SFI1: variants seen among roughly 807,000 people sequenced by gnomAD.
SFI1 encodes SFI1 centrin binding protein.
A neutral mutation model predicts 207.5 loss-of-function variants in SFI1; 195 were observed. The ratio of observed to expected loss-of-function variants is 0.94; its 90% CI spans 0.84 to 1.06. SFI1 has a LOEUF of 1.06. Among genes scored for constraint, SFI1 ranks in the 50% least tolerant of loss-of-function variants. The pLI, the probability that SFI1 is intolerant of heterozygous loss-of-function variation, is 0.00. For synonymous variants in SFI1, 630 were observed against 598.9 expected (o/e 1.05, Z -0.76); for missense variants, 1,634 against 1,588.0 (o/e 1.03, Z -0.49).
chr22:31,550,124 T>G, intron 5 of SFI1, 130 bp from the exon 6 acceptor site: 1 of 599,008 alleles, frequency 1.7e-6, no homozygotes, highest in South Asian at 2.3e-5. Context: ...AGATGGGGTT[T>G]CACCATATCG....
intron 2 of SFI1, among the ~76,000 whole-genome samples, chr22:31,509,259 C>T (rs1296485485): frequency 1.3e-5 from 2 of 152,160 alleles, no homozygotes; most frequent in Admixed American, 6.6e-5. Context: ...CACACAATCA[C>T]AAGGTGAAGT....
chr22:31,550,060 T>A (rs1256463130), intron 5 of SFI1, among the ~76,000 whole-genome samples, 194 bp from the exon 6 acceptor site: 3 of 151,482 alleles, frequency 2.0e-5, no homozygotes, highest in Non-Finnish European at 4.4e-5. Context: ...GCCTCCGGAG[T>A]AGGTGGGATT....
At chr22:31,535,185 CTTTT>C (rs36035505) in intron 4 of SFI1, among the ~76,000 whole-genome samples, 7 of 111,830 alleles carry the variant, frequency 6.3e-5, no homozygotes, top group Admixed American at 1.9e-4. Flanking sequence ...TTTTTTATTG[CTTTT>C]TTTTTTTTTT....
chr22:31,589,390 G>C lies in SFI1; in HGVS notation c.1414-57G>C, dbSNP rs953919360. On this transcript the variant is annotated intron_variant, in intron 14 of 32. Transcript: ENST00000400288. ...CTCCCACAAGGGTGTGACCCTGAGA[G>C]GTCATGTTTAAAAAAAAAAAAGTTA... 3 of 1,441,958 alleles carry C rather than the reference G, an allele frequency of 2.1e-6. No homozygotes were observed. The South Asian group carries it at 4.7e-5, about 22-fold the overall frequency. The allele number at this position is 1,441,958 out of a possible 1,614,324, so 89.3% of individuals were successfully genotyped here.
intron 15 of SFI1, among the ~76,000 whole-genome samples, chr22:31,595,911 G>A (rs752116405): frequency 6.6e-6 from 1 of 152,182 alleles, no homozygotes; most frequent in Non-Finnish European, 1.5e-5. Context: ...GGACAGAGGG[G>A]TGAGATGGAG....
intron 17 of SFI1, among the ~76,000 whole-genome samples, chr22:31,603,316 ACAGCAGCTGTGGC>A (rs1213284661): frequency 1.3e-5 from 2 of 152,160 alleles, no homozygotes; most frequent in Non-Finnish European, 2.9e-5. Flanking sequence ...AGGGATAGGG[ACAGCAGCTGTGGC>A]CAGTGGGTGG....
chr22:31,594,341 A>G (rs1264147149), intron 15 of SFI1, among the ~76,000 whole-genome samples: 1 of 151,826 alleles, frequency 6.6e-6, no homozygotes, highest in Non-Finnish European at 1.5e-5. Flanking sequence ...CAAGGTCAAG[A>G]GTTCAAGACC....
chr22:31,587,280 G>C, intron 14 of SFI1: 1 of 356,176 alleles, frequency 2.8e-6, no homozygotes. Context: ...GACTGTGTAG[G>C]TTATATGCAG....
At position 31,578,434 on chromosome 22, in the gene SFI1, C is replaced by T. The variant is rs1355817715; in HGVS notation, c.1137C>T (p.His379=). 1.9e-6 allele frequency: 3 copies of T among 1,613,656 alleles called. No homozygotes were observed. Among genetic ancestry groups the T allele is most frequent in the Admixed American group, 3.3e-5 (2 of 60,014 alleles). Residue 379 remains histidine (H), a synonymous_variant, in exon 11 of 33, where the codon CAC becomes CAT. Coordinates refer to ENST00000400288, the MANE Select transcript of SFI1 (RefSeq NM_001007467.3). ...CCCAGTTTGAGATGGCAGAAGAGCACCACAGGCACAGCCAGCTGGTAAGAG... is the reference window on the plus strand; with the variant it reads ...CCCAGTTTGAGATGGCAGAAGAGCATCACAGGCACAGCCAGCTGGTAAGAG... ...EAAQFEMAEE[H]HRHSQLYFCF...
At chr22:31,562,889 C>T (rs2061863781) in intron 8 of SFI1, among the ~76,000 whole-genome samples, 1 of 151,870 alleles carries the variant, frequency 6.6e-6, no homozygotes, top group Admixed American at 6.6e-5. Context: ...GCATCGGCCT[C>T]CCAAAGTACT....
chr22:31,511,571 A>G (rs1194638984), intron 2 of SFI1, among the ~76,000 whole-genome samples: 1 of 150,774 alleles, frequency 6.6e-6, no homozygotes, highest in African/African-American at 2.4e-5. Flanking sequence ...AGTTCAAGCA[A>G]TTCTCCTGCC....
chr22:31,605,231 C>G (rs1192575475), intron 20 of SFI1: 1 of 257,230 alleles, frequency 3.9e-6, no homozygotes, highest in Non-Finnish European at 7.4e-6. Context: ...TTCACGCCTA[C>G]AAAATTCAGC....
intron 10 of SFI1, among the ~76,000 whole-genome samples, chr22:31,577,203 T>G (rs549567081): frequency 2.6e-5 from 4 of 152,268 alleles, no homozygotes; most frequent in African/African-American, 9.6e-5. Context: ...TGAGAGCGAC[T>G]GTGGAGATTC....
chr22:31,496,968 C>T (rs931934756), intron 1 of SFI1, among the ~76,000 whole-genome samples: 2 of 152,198 alleles, frequency 1.3e-5, no homozygotes, highest in Admixed American at 1.3e-4. Flanking sequence ...ACGCAATGCC[C>T]CTTAGCGTGC....
chr22:31,509,360 G>A (rs893164529), intron 2 of SFI1, among the ~76,000 whole-genome samples: 2 of 152,230 alleles, frequency 1.3e-5, no homozygotes, highest in Non-Finnish European at 2.9e-5. Context: ...GAAGCCAACA[G>A]TGCAGCCTTC....
At chr22:31,565,804 A>G (rs2062233704) in intron 8 of SFI1, among the ~76,000 whole-genome samples, 1 of 152,108 alleles carries the variant, frequency 6.6e-6, no homozygotes, top group East Asian at 1.9e-4. Context: ...GTGCAACGGT[A>G]TATTTTTGAG....
Position 31,613,825 on chromosome 22 carries a change from T to G in SFI1, c.2966T>G (p.Leu989Arg). Residue 989 changes from leucine (L) to arginine (R), a missense_variant, in exon 27 of 33, where the codon CTG (leucine) becomes CGG (arginine). Leu to Arg is a moderately radical substitution (Grantham distance 102). Transcript: ENST00000400288. Reference sequence around the variant, plus strand: ...CGGCCTCTGGGAGCTCTGGGCCGCCTGGCTGCTGAGGAGCCCCACGCCCTG... The same window carrying G: ...CGGCCTCTGGGAGCTCTGGGCCGCCGGGCTGCTGAGGAGCCCCACGCCCTG... Reference protein sequence around the residue: ...ASRPLGALGRLAAEEPHALEL... With the variant: ...ASRPLGALGRRAAEEPHALEL... 2 of 1,609,502 alleles carry G rather than the reference T, an allele frequency of 1.2e-6. No homozygotes were observed. The highest frequency in any genetic ancestry group is 1.7e-6 in the Non-Finnish European group (2 of 1,178,264).
chr22:31,545,574 A>ATTTTATTTT (rs1555983934), intron 4 of SFI1, among the ~76,000 whole-genome samples: 11,428 of 130,996 alleles, frequency 0.087, 531 homozygotes, highest in Admixed American at 0.17. Flanking sequence ...AATTTAATTT[A>ATTTTATTTT]ATTTAATTTA....
At chr22:31,588,520 C>T (rs1184714497) in intron 14 of SFI1, among the ~76,000 whole-genome samples, 2 of 152,150 alleles carry the variant, frequency 1.3e-5, no homozygotes, top group African/African-American at 2.4e-5. Flanking sequence ...TTTTTAAAAC[C>T]TCTACACATT....
Sources: allele counts gnomAD v4.1 joint callset (sites outside exome capture counted in the v4.1 genomes callset), GRCh38; gene constraint gnomAD v4.1.1; transcripts MANE v1.5; gene names NCBI Gene and HGNC (gene_info 2026-07-23, HGNC 2026-07-21).